The following MAST4 variants were observed in gnomAD, a reference collection of about 807,000 sequenced individuals.
MAST4 encodes microtubule associated serine/threonine kinase family member 4.
Under a neutral mutation model 162.7 loss-of-function variants are expected in MAST4, and 89 were observed. The ratio of observed to expected loss-of-function variants is 0.55; its 90% CI spans 0.46 to 0.65. The LOEUF (loss-of-function observed/expected upper bound fraction) is 0.65, where lower values mean the gene tolerates loss of function less well. Ranked by LOEUF, MAST4 falls within the 30% of genes least tolerant of loss-of-function variation. MAST4 has a pLI of 0.00. For missense variants in MAST4, 3,153 were observed against 3,374.0 expected (o/e 0.93, Z 1.62); for synonymous variants, 1,479 against 1,361.1 (o/e 1.09, Z -1.91).
chr5:66,785,866 A>G (rs894823634), intron 2 of MAST4, among the ~76,000 whole-genome samples: 3 of 151,998 alleles, frequency 2.0e-5, no homozygotes, highest in Non-Finnish European at 4.4e-5. Context: ...GTTTTGTATT[A>G]TTATTATTAT....
intron 14 of MAST4, among the ~76,000 whole-genome samples, chr5:67,124,134 T>C (rs1041321459): frequency 4.6e-5 from 7 of 152,156 alleles, no homozygotes; most frequent in African/African-American, 1.2e-4. Context: ...TTCTGCATGG[T>C]TGGGGAGAAG....
chr5:66,792,939 A>G (rs889864983), intron 3 of MAST4, among the ~76,000 whole-genome samples: 7 of 152,236 alleles, frequency 4.6e-5, no homozygotes, highest in African/African-American at 1.4e-4. Context: ...ATTATACTCA[A>G]TATAACAGTT....
Position 67,165,735 on chromosome 5 carries a change from C to T in MAST4, c.6556C>T (p.His2186Tyr). ...PQDPPKPVAA[H>Y]SESSSHKPRP... is the part of the protein sequence containing the mutation. Reference sequence around the variant, plus strand: ...GGACCCTCCCAAGCCTGTTGCTGCGCACAGTGAAAGCAGCAGCCACAAGCC... The same window carrying T: ...GGACCCTCCCAAGCCTGTTGCTGCGTACAGTGAAAGCAGCAGCCACAAGCC... The change falls in exon 29 of 29, where the codon CAC becomes TAC. Residue 2186 changes from histidine to tyrosine, a missense_variant. This residue lies in a region of MAST4 where 1,644 missense variants were observed against 1,495.0 expected (regional missense o/e 1.10). Coordinates refer to ENST00000403625, the MANE Select transcript of MAST4 (RefSeq NM_001164664.2). The T allele has an allele frequency of 1.3e-6, 2 of 1,578,836 alleles. No individual in the cohort carries two copies. The highest frequency in any genetic ancestry group is 8.6e-7 in the Non-Finnish European group (1 of 1,163,472).
chr5:67,144,593 C>A, intron 21 of MAST4, 76 bp from the exon 22 acceptor site: 1 of 1,467,888 alleles, frequency 6.8e-7, no homozygotes, highest in Admixed American at 1.8e-5. Flanking sequence ...TCAGGTTTTT[C>A]TCCCAAGACT....
intron 1 of MAST4, among the ~76,000 whole-genome samples, chr5:66,677,673 T>C (rs7719001): frequency 0.63 from 96,478 of 151,996 alleles, 31,339 homozygotes; most frequent in African/African-American, 0.76. Context: ...AGATGTGTGT[T>C]TGAGGAATGT....
At chr5:66,801,186 A>G (rs1202469802) in intron 3 of MAST4, among the ~76,000 whole-genome samples, 1 of 152,206 alleles carries the variant, frequency 6.6e-6, no homozygotes, top group Non-Finnish European at 1.5e-5. Flanking sequence ...AGGTTCTGAA[A>G]GAATTTTAAC....
At chr5:66,770,694 C>T (rs913062215) in intron 2 of MAST4, among the ~76,000 whole-genome samples, 4 of 152,170 alleles carry the variant, frequency 2.6e-5, no homozygotes, top group Non-Finnish European at 5.9e-5. Flanking sequence ...CTCTTATACC[C>T]GGGGCAGGTG....
chr5:67,048,572 T>C (rs913139678), intron 4 of MAST4, among the ~76,000 whole-genome samples: 1 of 152,200 alleles, frequency 6.6e-6, no homozygotes, highest in Admixed American at 6.5e-5. Context: ...TCAGGAATTA[T>C]GAAACAAATT....
At chr5:66,914,689 TGAA>T (rs1454858204) in intron 4 of MAST4, among the ~76,000 whole-genome samples, 2 of 152,168 alleles carry the variant, frequency 1.3e-5, no homozygotes, top group African/African-American at 4.8e-5. Flanking sequence ...GATACAACAA[TGAA>T]GGTCAGTTAT....
Position 67,160,422 on chromosome 5 carries a change from A to G in MAST4, c.3649-34A>G, listed in dbSNP as rs373152662. ...TGTTCTGATCTTGCTTCATCACAGC[A>G]TTTCCCTTTAATGCCACCTCATCTT... On this transcript the variant is annotated intron_variant, in intron 26 of 28. Transcript: ENST00000403625. 393 of 1,590,710 alleles carry G rather than the reference A, an allele frequency of 2.5e-4. 1 individual carries two copies. In the African/African-American group the frequency reaches 4.9e-3, roughly 20 times the overall value.
intron 1 of MAST4, among the ~76,000 whole-genome samples, chr5:66,681,089 G>T (rs1046843095): frequency 2.0e-5 from 3 of 152,224 alleles, no homozygotes; most frequent in African/African-American, 7.2e-5. Flanking sequence ...TCATACCTGG[G>T]CTGTGCATAT....
At chr5:66,945,249 T>G (rs1357810578) in intron 4 of MAST4, among the ~76,000 whole-genome samples, 1 of 152,160 alleles carries the variant, frequency 6.6e-6, no homozygotes, top group Non-Finnish European at 1.5e-5. Context: ...ACAGACATTC[T>G]TAGAGGCAAA....
intron 4 of MAST4, among the ~76,000 whole-genome samples, chr5:67,047,829 C>T (rs113678672): frequency 2.7e-4 from 41 of 152,270 alleles, no homozygotes; most frequent in African/African-American, 9.4e-4. Context: ...CAGAGAACAG[C>T]TTTGTTGTTT....
chr5:67,057,393 C>T (rs1233639361), intron 5 of MAST4, among the ~76,000 whole-genome samples: 1 of 151,986 alleles, frequency 6.6e-6, no homozygotes, highest in African/African-American at 2.4e-5. Context: ...ATGAGCCCCA[C>T]CAGTCATCAC....
intron 2 of MAST4, among the ~76,000 whole-genome samples, chr5:66,774,813 GAATTTAAATGT>G (rs1428241587): frequency 6.6e-6 from 1 of 152,094 alleles, no homozygotes; most frequent in Non-Finnish European, 1.5e-5. Flanking sequence ...AAGTTTACTT[GAATTTAAATGT>G]AGGTATGCAT....
At chr5:66,611,704 G>A (rs917693758) in intron 1 of MAST4, among the ~76,000 whole-genome samples, 5 of 152,314 alleles carry the variant, frequency 3.3e-5, no homozygotes, top group East Asian at 1.9e-4. Flanking sequence ...GGGATACATC[G>A]GAAGGTGCTC....
intron 1 of MAST4, among the ~76,000 whole-genome samples, chr5:66,717,847 T>G (rs1750938604): frequency 6.6e-6 from 1 of 152,178 alleles, no homozygotes; most frequent in Non-Finnish European, 1.5e-5. Flanking sequence ...TAGTCCCAGG[T>G]ATTCATTGTC....
At chr5:66,854,743 C>G (rs12652214) in intron 3 of MAST4, among the ~76,000 whole-genome samples, 6,726 of 152,016 alleles carry the variant, frequency 0.044, 233 homozygotes, top group South Asian at 0.12. Flanking sequence ...ATCCCATACT[C>G]AAGGACAGAC....
chr5:66,748,759 A>G (rs956730559), intron 1 of MAST4, among the ~76,000 whole-genome samples: 3 of 151,890 alleles, frequency 2.0e-5, no homozygotes, highest in Non-Finnish European at 4.4e-5. Context: ...AAGTGCTGGG[A>G]TTACAGGTGT....
Sources: allele counts gnomAD v4.1 joint callset (sites outside exome capture counted in the v4.1 genomes callset), GRCh38; gene constraint gnomAD v4.1.1; regional missense constraint gnomAD v4.1.1; transcripts MANE v1.5; gene names NCBI Gene and HGNC (gene_info 2026-07-23, HGNC 2026-07-21).